The following KLF8 variants were observed in gnomAD, a reference collection of about 807,000 sequenced individuals.
The protein encoded by KLF8 is Krueppel-like factor 8.
Under a neutral mutation model 18.2 loss-of-function variants are expected in KLF8, and 10 were observed. The observed-to-expected ratio is 0.55, with a 90% CI of 0.34 to 0.93. KLF8 has a LOEUF of 0.93. Ranked by LOEUF, KLF8 falls within the 40% of genes least tolerant of loss-of-function variation. KLF8 has a pLI of 0.02. For missense variants in KLF8, 264 were observed against 277.9 expected, an observed-to-expected ratio of 0.95 and a Z score of 0.36; for synonymous variants, 109 against 97.3, an observed-to-expected ratio of 1.12 and a Z score of -0.71.
intron 2 of KLF8, among the ~76,000 whole-genome samples, chrX:56,263,518 C>G (rs1215952370): frequency 1.8e-5 from 2 of 111,211 alleles, no homozygotes; most frequent in Non-Finnish European, 3.8e-5. Context: ...CAGAGTCTTG[C>G]TCTGTCACCC....
rs1030805245 is a variant in KLF8, at chrX:56,288,635, A to G, written c.*4141A>G. Among the ~76,000 whole-genome samples, 1 of 112,507 alleles carries G rather than the reference A, an allele frequency of 8.9e-6. No homozygotes were observed. The highest frequency in any genetic ancestry group is 3.2e-5 in the African/African-American group (1 of 30,950). ...TATCCTGTAGTCTGGTAAATGTGCA[A>G]TAGCATTATGTCTAAAAAACAATGT... On this transcript the variant is annotated 3_prime_UTR_variant, in exon 6 of 6. Transcript: ENST00000468660.
chrX:55,953,827 C>T, the KLF8 span, among the ~76,000 whole-genome samples: 1 of 110,439 alleles, frequency 9.1e-6, no homozygotes, highest in Admixed American at 9.7e-5. Context: ...AGAGCAAAAA[C>T]TATAAAATTC....
the KLF8 span, among the ~76,000 whole-genome samples, chrX:56,157,342 A>G: frequency 4.6e-5 from 5 of 109,879 alleles, no homozygotes; most frequent in Non-Finnish European, 9.5e-5. Flanking sequence ...TATGTAACAA[A>G]CCTTCACTTT....
chrX:56,138,403 T>C, the KLF8 span, among the ~76,000 whole-genome samples: 9 of 111,688 alleles, frequency 8.1e-5, no homozygotes. Flanking sequence ...TGAACATTGA[T>C]GCAAAACTCC....
At chrX:55,997,009 G>C in the KLF8 span, among the ~76,000 whole-genome samples, 1 of 111,988 alleles carries the variant, frequency 8.9e-6, no homozygotes, top group Non-Finnish European at 1.9e-5. Context: ...ACAAAGCAGT[G>C]GGGGGAGGCT....
chrX:56,233,350 C>T lies in KLF8; in HGVS notation c.7+9C>T, dbSNP rs1319697554. ...AGCTAGTGACATGGTCGGTAAGTGACTCTGGGACTAATACCCACCCACTCC... is the reference window on the plus strand; with the variant it reads ...AGCTAGTGACATGGTCGGTAAGTGATTCTGGGACTAATACCCACCCACTCC... On this transcript the variant is annotated intron_variant, in intron 1 of 5. Coordinates refer to ENST00000468660, the MANE Select transcript of KLF8 (RefSeq NM_007250.5). 1 of 1,159,622 alleles carries T rather than the reference C, an allele frequency of 8.6e-7. No individual in the cohort carries two copies. Among genetic ancestry groups the T allele is most frequent in the Non-Finnish European group, 1.2e-6 (1 of 847,995 alleles).
chrX:55,997,507 A>G, the KLF8 span, among the ~76,000 whole-genome samples: 1 of 111,546 alleles, frequency 9.0e-6, no homozygotes, highest in Non-Finnish European at 1.9e-5. Context: ...GGAGCCACTC[A>G]GGGCCAGTAT....
chrX:56,183,244 T>G, the KLF8 span, among the ~76,000 whole-genome samples: 1 of 112,061 alleles, frequency 8.9e-6, no homozygotes, highest in Non-Finnish European at 1.9e-5. Context: ...TGAGCAAGGC[T>G]CCGTGGGCAA....
At chrX:56,194,845 G>T in the KLF8 span, among the ~76,000 whole-genome samples, 1 of 111,980 alleles carries the variant, frequency 8.9e-6, no homozygotes, top group African/African-American at 3.2e-5. Context: ...ACCCCTCTGG[G>T]ACAAAGCTTC....
the KLF8 span, among the ~76,000 whole-genome samples, chrX:56,097,023 T>G: frequency 1.8e-5 from 2 of 111,005 alleles, no homozygotes; most frequent in African/African-American, 6.5e-5. Context: ...CAAATAAATA[T>G]CTTTTGTGAA....
the KLF8 span, among the ~76,000 whole-genome samples, chrX:56,041,370 C>T: frequency 2.1e-4 from 23 of 111,504 alleles, no homozygotes; most frequent in African/African-American, 4.9e-4. Context: ...GTGATCCACC[C>T]GCCCAAAGTG....
chrX:56,212,435 C>T, the KLF8 span, among the ~76,000 whole-genome samples: 1 of 112,237 alleles, frequency 8.9e-6, no homozygotes, highest in Non-Finnish European at 1.9e-5. Flanking sequence ...TTCAAGTTTA[C>T]TTAGAAACCT....
the KLF8 span, among the ~76,000 whole-genome samples, chrX:56,037,655 C>T: frequency 2.7e-5 from 3 of 109,592 alleles, no homozygotes; most frequent in Non-Finnish European, 5.7e-5. Context: ...TTTATAATTT[C>T]TTTATTTTAC....
the KLF8 span, among the ~76,000 whole-genome samples, chrX:56,215,222 C>G: frequency 5.8e-3 from 652 of 111,971 alleles, 10 homozygotes; most frequent in Middle Eastern, 9.2e-3. Context: ...GAAACTACCA[C>G]TGTTGCATTG....
chrX:56,070,188 G>T, the KLF8 span, among the ~76,000 whole-genome samples: 2 of 109,643 alleles, frequency 1.8e-5, no homozygotes, highest in Non-Finnish European at 3.8e-5. Flanking sequence ...ACTCATTAGT[G>T]GGAGTTGAAA....
the KLF8 span, among the ~76,000 whole-genome samples, chrX:56,121,558 GAGA>G: frequency 9.1e-6 from 1 of 109,405 alleles, no homozygotes; most frequent in East Asian, 2.9e-4. Flanking sequence ...CCCAAAGACA[GAGA>G]AGAATTGTGA....
the KLF8 span, among the ~76,000 whole-genome samples, chrX:56,068,875 G>T: frequency 2.7e-5 from 3 of 112,339 alleles, no homozygotes; most frequent in African/African-American, 9.7e-5. Flanking sequence ...TGCAGGTAAT[G>T]CTTGCTAGAG....
chrX:56,018,055 C>G, the KLF8 span, among the ~76,000 whole-genome samples: 2 of 111,856 alleles, frequency 1.8e-5, no homozygotes, highest in African/African-American at 6.5e-5. Flanking sequence ...CAGATCTCTT[C>G]TAGCTGTTTT....
the KLF8 span, among the ~76,000 whole-genome samples, chrX:56,037,760 A>G: frequency 2.7e-5 from 3 of 111,015 alleles, no homozygotes; most frequent in African/African-American, 9.8e-5. Flanking sequence ...TGAAATAAAC[A>G]CATCAAGGAG....
Sources: gnomAD v4.1 joint callset for allele counts (sites outside exome capture counted in the v4.1 genomes callset) on GRCh38, gnomAD v4.1.1 for gene constraint, MANE v1.5 for transcripts, NCBI Gene and HGNC (gene_info 2026-07-23, HGNC 2026-07-21) for gene names.